The following FNBP1 variants were observed in gnomAD, a reference collection of about 807,000 sequenced individuals.
The protein encoded by FNBP1 is formin-binding protein 1.
A neutral mutation model predicts 90.6 loss-of-function variants in FNBP1; 26 were observed. The observed-to-expected ratio is 0.29, with a 90% CI of 0.21 to 0.40. The LOEUF (loss-of-function observed/expected upper bound fraction) is 0.40. FNBP1 is among the 10% of genes least tolerant of loss of function. The pLI is 1.00. For synonymous variants in FNBP1, 260 were observed against 265.2 expected (o/e 0.98, Z 0.19); for missense variants, 635 against 768.0 (o/e 0.83, Z 2.05).
In FNBP1 at chr9:129,887,877, T is replaced by G. The variant is rs1309533668; in HGVS notation, c.*2662A>C. ...GAGACGTTCACGGGAAATTCCACAT[T>G]CTACTCTATGTGAACTGCTCCAGAA... On this transcript the variant is annotated 3_prime_UTR_variant, in exon 17 of 17. Transcript: ENST00000446176. 3 of 231,364 alleles carry G rather than the reference T, an allele frequency of 1.3e-5. No individual in the cohort carries two copies. Among genetic ancestry groups the G allele is most frequent in the Non-Finnish European group, 2.6e-5 (3 of 116,992 alleles). The allele number at this position is 231,364 out of a possible 1,614,324, so 14.3% of individuals were successfully genotyped here.
chr9:129,978,315 A>T, intron 4 of FNBP1, 150 bp downstream of exon 4: 4 of 685,028 alleles, frequency 5.8e-6, no homozygotes, highest in Non-Finnish European at 9.6e-6. Flanking sequence ...CACCGTGCCC[A>T]GCTGGGGTCC....
intron 4 of FNBP1, among the ~76,000 whole-genome samples, chr9:129,961,273 T>C (rs2047773362): frequency 6.6e-6 from 1 of 151,868 alleles, no homozygotes; most frequent in African/African-American, 2.4e-5. Context: ...GATAGTACCA[T>C]TGTACTCCAG....
Position 129,890,788 on chromosome 9 carries a change from C to A in FNBP1, c.1847-242G>T, listed in dbSNP as rs1281797580. 1.3e-5 allele frequency among the ~76,000 whole-genome samples: 2 copies of A among 152,148 alleles called. No homozygotes were observed. The highest frequency in any genetic ancestry group is 4.8e-5 in the African/African-American group (2 of 41,426). ...GTCTTTCCTTCAGAGTTAAGAGAAG[C>A]CCAAACAGGAGACTGATGAGGCCAT... On this transcript the variant is annotated intron_variant, in intron 16 of 16. Transcript: ENST00000446176. This position sits in a 1 kb window ranked among gnomAD's most constrained non-coding sequence, Gnocchi z 5.8.
chr9:129,918,994 TTTTC>T (rs973021908), intron 10 of FNBP1: 1 of 118,752 alleles, frequency 8.4e-6, no homozygotes, highest in African/African-American at 8.5e-5. Context: ...ACAATTAGGC[TTTTC>T]TTTTTTTTTT....
At chr9:129,935,291 G>A (rs2043261890) in intron 6 of FNBP1, among the ~76,000 whole-genome samples, 1 of 151,528 alleles carries the variant, frequency 6.6e-6, no homozygotes, top group Admixed American at 6.6e-5. Context: ...CATATGCCAG[G>A]CCTGTTTAAT....
intron 11 of FNBP1, 166 bp from the exon 12 acceptor site, chr9:129,909,165 C>A (rs2038751529): frequency 1.5e-6 from 1 of 658,558 alleles, no homozygotes; most frequent in Admixed American, 2.4e-5. Context: ...AAAATCAATG[C>A]ATGCAAACTG....
At chr9:130,019,638 C>T (rs1468358735) in intron 1 of FNBP1, among the ~76,000 whole-genome samples, 4 of 152,136 alleles carry the variant, frequency 2.6e-5, no homozygotes, top group Non-Finnish European at 5.9e-5. Context: ...TAAATGATAA[C>T]CACTCTTGCT....
intron 4 of FNBP1, among the ~76,000 whole-genome samples, chr9:129,977,285 G>A (rs10760651): frequency 0.95 from 143,942 of 152,192 alleles, 68,315 homozygotes; most frequent in East Asian, 0.99. Flanking sequence ...ATCCCTTAAG[G>A]CAAAATCATG....
chr9:130,022,595 G>C (rs1200762510), intron 1 of FNBP1, among the ~76,000 whole-genome samples: 1 of 152,150 alleles, frequency 6.6e-6, no homozygotes, highest in African/African-American at 2.4e-5. Flanking sequence ...AAAGCTTTGG[G>C]TTCAAAGTAT....
chr9:129,978,307 C>G (rs1441220129), intron 4 of FNBP1, 158 bp downstream of exon 4: 1 of 628,396 alleles, frequency 1.6e-6, no homozygotes, highest in Non-Finnish European at 2.7e-6. Context: ...GCATGAGCCA[C>G]CGTGCCCAGC....
At chr9:130,025,246 C>T (rs1190582081) in intron 1 of FNBP1, among the ~76,000 whole-genome samples, 1 of 151,966 alleles carries the variant, frequency 6.6e-6, no homozygotes, top group Non-Finnish European at 1.5e-5. Context: ...ATCTATGTAC[C>T]GAGTGCCTCA....
chr9:130,045,026 C>A (rs1488409504), upstream of FNBP1: 2 of 152,118 alleles, frequency 1.3e-5, no homozygotes, highest in Non-Finnish European at 2.9e-5. Flanking sequence ...TGCAGATAAA[C>A]CTCCAACTCT....
chr9:129,900,578 C>T lies in FNBP1; in HGVS notation c.1429-31G>A, dbSNP rs748125218. On this transcript the variant is annotated intron_variant, in intron 13 of 16. Coordinates refer to ENST00000446176, the MANE Select transcript of FNBP1 (RefSeq NM_015033.3). This position sits in a 1 kb window ranked among gnomAD's most constrained non-coding sequence, Gnocchi z 4.1. ...GACAAAAGCAATGAGAGACTCCAAC[C>T]TAAGGCCATCTGAGGGTCAGCCCAG... The T allele has an allele frequency of 8.1e-6, 12 of 1,486,368 alleles. No homozygotes were observed. In the South Asian group the frequency reaches 1.5e-4, roughly 19 times the overall value. 92.1% of individuals were successfully genotyped at this position (1,486,368 alleles called of 1,614,324 possible). A position where few individuals can be genotyped will look rare whatever the true frequency, so the allele number is the denominator to read the frequency against.
chr9:129,995,485 G>A (rs983175690), intron 1 of FNBP1, among the ~76,000 whole-genome samples: 5 of 152,168 alleles, frequency 3.3e-5, no homozygotes, highest in African/African-American at 9.7e-5. Context: ...GCCTGGAGCT[G>A]GGGAACCAAA....
At chr9:129,939,176 G>C (rs1415952603) in intron 6 of FNBP1, among the ~76,000 whole-genome samples, 1 of 151,982 alleles carries the variant, frequency 6.6e-6, no homozygotes, top group East Asian at 1.9e-4. Flanking sequence ...ATCACCTGAG[G>C]TCAGGAGTTC....
intron 12 of FNBP1, among the ~76,000 whole-genome samples, chr9:129,906,554 A>G (rs2038094312): frequency 6.6e-6 from 1 of 152,266 alleles, no homozygotes; most frequent in East Asian, 1.9e-4. Flanking sequence ...CATGTAAGAC[A>G]TGCCTTTGCT....
chr9:129,974,858 G>GA (rs566556317), intron 4 of FNBP1, among the ~76,000 whole-genome samples: 1,042 of 75,020 alleles, frequency 0.014, 2 homozygotes, highest in Non-Finnish European at 0.019. Context: ...AGACCCTGAA[G>GA]AAAAAAAAAA....
intron 6 of FNBP1, among the ~76,000 whole-genome samples, chr9:129,956,992 T>C (rs1285734558): frequency 6.6e-6 from 1 of 151,252 alleles, no homozygotes; most frequent in Non-Finnish European, 1.5e-5. Context: ...GGGTGGTCGG[T>C]GATGAACACT....
chr9:129,960,121 G>A (rs1359128080), intron 4 of FNBP1, among the ~76,000 whole-genome samples: 2 of 151,928 alleles, frequency 1.3e-5, no homozygotes, highest in Admixed American at 6.6e-5. Context: ...GAAAAATGCG[G>A]CCAGGCCAGC....
Sources: gnomAD v4.1 joint callset for allele counts (sites outside exome capture counted in the v4.1 genomes callset) on GRCh38, gnomAD v4.1.1 for gene constraint, Gnocchi (gnomAD v3.1) non-coding constraint, MANE v1.5 for transcripts, NCBI Gene and HGNC (gene_info 2026-07-23, HGNC 2026-07-21) for gene names.